Variants in NRXN1 observed in about 807,000 individuals in gnomAD.
NRXN1 encodes neurexin 1.
In NRXN1, 39 loss-of-function variants were observed where a neutral mutation model predicts 150.9. The observed-to-expected ratio is 0.26, with a 90% CI of 0.20 to 0.34. The LOEUF (loss-of-function observed/expected upper bound fraction) is 0.34. Among genes scored for constraint, NRXN1 ranks in the 10% least tolerant of loss-of-function variants. The pLI is 1.00. For missense variants in NRXN1, 1,815 were observed against 1,949.9 expected, an observed-to-expected ratio of 0.93 and a Z score of 1.30; for synonymous variants, 924 against 757.0, an observed-to-expected ratio of 1.22 and a Z score of -3.62.
chr2:50,858,600 C>A (rs1388720015), intron 5 of NRXN1, among the ~76,000 whole-genome samples: 4 of 152,018 alleles, frequency 2.6e-5, no homozygotes, highest in African/African-American at 9.7e-5. Flanking sequence ...GGTCTTTGCT[C>A]AAGCAATGAA....
At chr2:50,993,540 A>G (rs1344865405) in intron 2 of NRXN1, among the ~76,000 whole-genome samples, 1 of 151,812 alleles carries the variant, frequency 6.6e-6, no homozygotes, top group Non-Finnish European at 1.5e-5. Flanking sequence ...TAATTCTCCA[A>G]CTTGCTATGA....
chr2:50,166,578 G>C (rs907485012), intron 18 of NRXN1, among the ~76,000 whole-genome samples: 1 of 151,894 alleles, frequency 6.6e-6, no homozygotes, highest in African/African-American at 2.4e-5. Context: ...GTGATCTACA[G>C]AAATGTAAGC....
chr2:51,021,800 T>G (rs532244301), intron 2 of NRXN1, among the ~76,000 whole-genome samples: 2 of 152,072 alleles, frequency 1.3e-5, no homozygotes, highest in Non-Finnish European at 2.9e-5. Flanking sequence ...AAGTAAATGG[T>G]ATCTTCAATA....
chr2:50,723,690 TAC>T (rs1696958256), intron 5 of NRXN1, among the ~76,000 whole-genome samples: 1 of 152,208 alleles, frequency 6.6e-6, no homozygotes, highest in African/African-American at 2.4e-5. Context: ...TGAGATCATT[TAC>T]AACCTGCATG....
chr2:50,611,047 C>A (rs1477680176), intron 8 of NRXN1, among the ~76,000 whole-genome samples: 1 of 149,028 alleles, frequency 6.7e-6, no homozygotes, highest in Non-Finnish European at 1.5e-5. Context: ...CACACCTGGC[C>A]CATACTAGAT....
chr2:50,418,222 A>G (rs746715380), intron 17 of NRXN1, among the ~76,000 whole-genome samples: 1 of 151,970 alleles, frequency 6.6e-6, no homozygotes, highest in African/African-American at 2.4e-5. Context: ...GCCTCTTCTT[A>G]TATCTCTAAA....
chr2:50,556,432 A>G (rs1668261663), intron 8 of NRXN1, among the ~76,000 whole-genome samples: 2 of 152,010 alleles, frequency 1.3e-5, no homozygotes, highest in African/African-American at 2.4e-5. Flanking sequence ...CTTTATCATC[A>G]TAACAATTGA....
chr2:49,961,990 C>T (rs1676043700), intron 21 of NRXN1, among the ~76,000 whole-genome samples: 1 of 152,070 alleles, frequency 6.6e-6, no homozygotes, highest in South Asian at 2.1e-4. Flanking sequence ...CCTCTAGTCC[C>T]AGCCACCTGG....
intron 17 of NRXN1, among the ~76,000 whole-genome samples, chr2:50,355,397 T>C (rs1014134961): frequency 6.6e-6 from 1 of 151,802 alleles, no homozygotes; most frequent in African/African-American, 2.4e-5. Flanking sequence ...TTTTACCAGG[T>C]AAAATTAAAA....
At chr2:50,601,491 T>G (rs1336103068) in intron 8 of NRXN1, among the ~76,000 whole-genome samples, 1 of 152,198 alleles carries the variant, frequency 6.6e-6, no homozygotes, top group East Asian at 1.9e-4. Context: ...TTCAAATAAC[T>G]CTCCGTAATT....
intron 2 of NRXN1, among the ~76,000 whole-genome samples, chr2:51,019,086 A>G (rs959782295): frequency 5.3e-5 from 8 of 152,108 alleles, no homozygotes; most frequent in Non-Finnish European, 1.0e-4. Context: ...GCCATTTAAA[A>G]TAGTACCAAC....
intron 13 of NRXN1, among the ~76,000 whole-genome samples, chr2:50,502,752 G>A (rs2092014350): frequency 6.6e-6 from 1 of 152,114 alleles, no homozygotes. Context: ...TTATGTGTAT[G>A]TTTATATGTA....
At chr2:50,942,782 T>A (rs1689674551) in intron 2 of NRXN1, among the ~76,000 whole-genome samples, 1 of 152,166 alleles carries the variant, frequency 6.6e-6, no homozygotes, top group Non-Finnish European at 1.5e-5. Flanking sequence ...TTGTCTCAGA[T>A]GAGACTTTGG....
At chr2:50,424,809 T>G (rs1184012107) in intron 17 of NRXN1, among the ~76,000 whole-genome samples, 4 of 152,220 alleles carry the variant, frequency 2.6e-5, no homozygotes, top group African/African-American at 9.6e-5. Context: ...GCTCTGATTC[T>G]AATTTTCTGA....
chr2:50,665,129 G>T (rs1240822096), intron 5 of NRXN1, among the ~76,000 whole-genome samples: 1 of 151,916 alleles, frequency 6.6e-6, no homozygotes, highest in South Asian at 2.1e-4. Context: ...ATGAAAAAGA[G>T]ATTAAAGAAT....
intron 5 of NRXN1, among the ~76,000 whole-genome samples, chr2:50,878,407 G>A (rs1678928680): frequency 1.3e-5 from 2 of 151,980 alleles, no homozygotes; most frequent in African/African-American, 4.8e-5. Flanking sequence ...ATCAATTGCT[G>A]AGCCTGACAC....
intron 5 of NRXN1, among the ~76,000 whole-genome samples, chr2:50,704,651 T>A (rs958704127): frequency 1.1e-4 from 17 of 151,762 alleles, no homozygotes; most frequent in African/African-American, 4.1e-4. Context: ...TGTAAATTTA[T>A]GTTTTTGTCT....
chr2:50,107,959 T>C (rs954793931), intron 18 of NRXN1, among the ~76,000 whole-genome samples: 1 of 151,766 alleles, frequency 6.6e-6, no homozygotes, highest in Non-Finnish European at 1.5e-5. Context: ...GTAAGGAAAC[T>C]GAGTCATAAA....
chr2:51,015,666 AT>A (rs767131217), intron 2 of NRXN1, among the ~76,000 whole-genome samples: 16 of 152,176 alleles, frequency 1.1e-4, no homozygotes, highest in South Asian at 2.1e-4. Flanking sequence ...TGAAAAAAAA[AT>A]ATTTAAATAT....
Sources: gnomAD v4.1 joint callset for allele counts (sites outside exome capture counted in the v4.1 genomes callset) on GRCh38, gnomAD v4.1.1 for gene constraint, MANE v1.5 for transcripts, NCBI Gene and HGNC (gene_info 2026-07-23, HGNC 2026-07-21) for gene names.